The following RFX7 variants were observed in gnomAD, a reference collection of about 807,000 sequenced individuals.
The protein encoded by RFX7 is DNA-binding protein RFX7.
RFX7 carries 26 observed loss-of-function variants against 111.8 expected under a neutral mutation model. The observed-to-expected ratio is 0.23, with a 90% CI of 0.17 to 0.32. The LOEUF is 0.32. Among genes scored for constraint, RFX7 ranks in the 10% least tolerant of loss-of-function variants. RFX7 has a pLI of 1.00. For synonymous variants in RFX7, 624 were observed against 624.4 expected (o/e 1.00, Z 0.01); for missense variants, 1,573 against 1,772.9 (o/e 0.89, Z 2.02).
chr15:56,110,266 T>TAGGTG (rs1431672610), intron 5 of RFX7, among the ~76,000 whole-genome samples: 4 of 14,684 alleles, frequency 2.7e-4, no homozygotes, highest in African/African-American at 8.2e-4. Context: ...GGGAGGGAGG[T>TAGGTG]GGGGGGGGGT....
At chr15:56,101,247 A>T in intron 8 of RFX7, 112 bp downstream of exon 8, 1 of 825,680 alleles carries the variant, frequency 1.2e-6, no homozygotes, top group Non-Finnish European at 2.0e-6. Context: ...AAGAGTGAAC[A>T]CATGCAAGTA....
chr15:56,243,024 A>G (rs1387521795), intron 2 of RFX7, 101 bp downstream of exon 2: 8 of 780,862 alleles, frequency 1.0e-5, no homozygotes, highest in Non-Finnish European at 1.5e-5. Context: ...CAATGAATGC[A>G]TCAGCCTCCT....
intron 3 of RFX7, among the ~76,000 whole-genome samples, chr15:56,150,081 T>C (rs1416900667): frequency 6.6e-6 from 1 of 152,082 alleles, no homozygotes; most frequent in East Asian, 1.9e-4. Flanking sequence ...GAGTAGGCAG[T>C]TTCACAGCCA....
intron 2 of RFX7, 140 bp from the exon 3 acceptor site, chr15:56,179,443 C>T (rs1370132674): frequency 7.4e-6 from 2 of 271,768 alleles, no homozygotes; most frequent in African/African-American, 4.7e-5. Flanking sequence ...GGGATTGTAG[C>T]CTAAATCTGT....
chr15:56,145,245 A>T (rs1380034151), intron 3 of RFX7, among the ~76,000 whole-genome samples: 1 of 152,192 alleles, frequency 6.6e-6, no homozygotes, highest in African/African-American at 2.4e-5. Flanking sequence ...ATTATAATAA[A>T]AATATTCATA....
chr15:56,129,661 C>A, intron 5 of RFX7, among the ~76,000 whole-genome samples: 1 of 151,988 alleles, frequency 6.6e-6, no homozygotes, highest in African/African-American at 2.4e-5. Context: ...AAGCAGTCGC[C>A]CAGGGTAGGT....
chr15:56,118,517 T>TA (rs1567015053), intron 5 of RFX7, among the ~76,000 whole-genome samples: 1 of 152,234 alleles, frequency 6.6e-6, no homozygotes, highest in East Asian at 1.9e-4. Context: ...TTGCAAATGA[T>TA]ACGATCTCAT....
chr15:56,114,205 A>G (rs575523709), intron 5 of RFX7, among the ~76,000 whole-genome samples: 2 of 152,178 alleles, frequency 1.3e-5, no homozygotes, highest in Admixed American at 1.3e-4. Flanking sequence ...GGAGTTCAGG[A>G]CCAGCCTGGG....
At chr15:56,105,869 A>C (rs2041823422) in intron 5 of RFX7, among the ~76,000 whole-genome samples, 1 of 152,214 alleles carries the variant, frequency 6.6e-6, no homozygotes, top group Admixed American at 6.5e-5. Flanking sequence ...AGGACAAATT[A>C]GGAGAGGGGG....
At chr15:56,214,877 T>A (rs571254025) in intron 2 of RFX7, among the ~76,000 whole-genome samples, 138 of 152,326 alleles carry the variant, frequency 9.1e-4, no homozygotes, top group African/African-American at 3.1e-3. Flanking sequence ...TAATTCTGTG[T>A]AGATTGAGTT....
At chr15:56,146,485 C>A (rs1262804455) in intron 3 of RFX7, among the ~76,000 whole-genome samples, 2 of 151,770 alleles carry the variant, frequency 1.3e-5, no homozygotes, top group Admixed American at 6.6e-5. Context: ...ATATTATGAG[C>A]CATGTCTGAG....
intron 2 of RFX7, among the ~76,000 whole-genome samples, chr15:56,238,288 A>G (rs2043646846): frequency 6.6e-6 from 1 of 152,228 alleles, no homozygotes; most frequent in Non-Finnish European, 1.5e-5. Flanking sequence ...TAATCACTTA[A>G]TATCTAGATG....
At chr15:56,122,713 A>G (rs184603767) in intron 5 of RFX7, among the ~76,000 whole-genome samples, 2 of 151,102 alleles carry the variant, frequency 1.3e-5, no homozygotes, top group African/African-American at 2.4e-5. Flanking sequence ...CTGGTGCTTT[A>G]TCCTACTGCG....
intron 2 of RFX7, among the ~76,000 whole-genome samples, chr15:56,223,335 A>G (rs550175127): frequency 2.0e-5 from 3 of 152,268 alleles, no homozygotes; most frequent in Non-Finnish European, 4.4e-5. Context: ...CATGCACTCC[A>G]ATCACTGTTT....
At chr15:56,157,122 G>T (rs1265474018) in intron 3 of RFX7, among the ~76,000 whole-genome samples, 1 of 152,198 alleles carries the variant, frequency 6.6e-6, no homozygotes, top group Non-Finnish European at 1.5e-5. Context: ...ATCCTCTAGT[G>T]GTTGAAAGTG....
chr15:56,140,095 T>C (rs2042367748), intron 5 of RFX7, among the ~76,000 whole-genome samples: 1 of 152,144 alleles, frequency 6.6e-6, no homozygotes, highest in African/African-American at 2.4e-5. Context: ...CCCCCAGAGG[T>C]GGAGCCTACA....
At chr15:56,116,545 A>G (rs1442711730) in intron 5 of RFX7, among the ~76,000 whole-genome samples, 2 of 152,218 alleles carry the variant, frequency 1.3e-5, no homozygotes, top group Non-Finnish European at 2.9e-5. Flanking sequence ...GTAGAAAATG[A>G]GTGAGATGTA....
rs2041553747 is a variant in RFX7, at chr15:56,088,415, A to T, written c.*4930T>A. 6.6e-6 allele frequency: 1 copy of T among 152,194 alleles called. No individual in the cohort carries two copies. Among genetic ancestry groups the T allele is most frequent in the Non-Finnish European group, 1.5e-5 (1 of 68,080 alleles). 9.4% of individuals were successfully genotyped at this position (152,194 alleles called of 1,614,324 possible). On this transcript the variant is annotated 3_prime_UTR_variant, in exon 10 of 10. Coordinates refer to ENST00000559447, the MANE Select transcript of RFX7 (RefSeq NM_022841.7). ...AACACTGGGTCTAATGCAAAGAAAT[A>T]CTCTATATACCACAGTAATATCACT...
intron 5 of RFX7, among the ~76,000 whole-genome samples, chr15:56,136,696 G>T (rs1490962730): frequency 6.7e-6 from 1 of 150,148 alleles, no homozygotes; most frequent in Non-Finnish European, 1.5e-5. Context: ...TCTTGTGCCA[G>T]TTTTCAAAGG....
Sources: allele counts gnomAD v4.1 joint callset (sites outside exome capture counted in the v4.1 genomes callset), GRCh38; gene constraint gnomAD v4.1.1; transcripts MANE v1.5; gene names NCBI Gene and HGNC (gene_info 2026-07-23, HGNC 2026-07-21).